EGFLAM: variants seen among roughly 807,000 people sequenced by gnomAD.
EGFLAM encodes the protein EGF like, fibronectin type III and laminin G domains, also known as pikachurin.
A neutral mutation model predicts 113.1 loss-of-function variants in EGFLAM; 79 were observed. The ratio of observed to expected loss-of-function variants is 0.70; its 90% CI spans 0.58 to 0.84. EGFLAM has a LOEUF of 0.84. Ranked by LOEUF, EGFLAM falls within the 40% of genes least tolerant of loss-of-function variation. The pLI is 0.00. For missense variants in EGFLAM, 1,265 were observed against 1,291.6 expected (o/e 0.98, Z 0.32); for synonymous variants, 504 against 487.6 (o/e 1.03, Z -0.44).
At chr5:38,447,706 A>AGATCGCGCCAT (rs1285800669) in intron 17 of EGFLAM, among the ~76,000 whole-genome samples, 2 of 151,590 alleles carry the variant, frequency 1.3e-5, no homozygotes, top group Non-Finnish European at 2.9e-5. Flanking sequence ...CAGTGAGCCA[A>AGATCGCGCCAT]GATCGCGCCA....
chr5:38,320,495 T>C (rs573932439), intron 1 of EGFLAM, among the ~76,000 whole-genome samples: 11 of 152,344 alleles, frequency 7.2e-5, no homozygotes, highest in Admixed American at 7.2e-4. Flanking sequence ...TCAGGTTTCA[T>C]AGTCTGTGCT....
intron 6 of EGFLAM, chr5:38,403,676 A>C (rs577424587): frequency 2.5e-6 from 3 of 1,209,224 alleles, no homozygotes; most frequent in Non-Finnish European, 3.4e-6. Flanking sequence ...AGAACTTATG[A>C]ATTGTTTATT....
chr5:38,408,858 T>G, intron 9 of EGFLAM, 146 bp from the exon 10 acceptor site: 1 of 698,492 alleles, frequency 1.4e-6, no homozygotes, highest in Non-Finnish European at 2.5e-6. Flanking sequence ...TATCTGGGAG[T>G]GAATTGGAGC....
chr5:38,294,982 G>T (rs1389678951), intron 1 of EGFLAM, among the ~76,000 whole-genome samples: 1 of 152,010 alleles, frequency 6.6e-6, no homozygotes, highest in Non-Finnish European at 1.5e-5. Context: ...TACATGCCAC[G>T]AGTCCTAGCT....
intron 8 of EGFLAM, among the ~76,000 whole-genome samples, chr5:38,407,587 G>A (rs1741331538): frequency 1.3e-5 from 2 of 152,162 alleles, no homozygotes; most frequent in Admixed American, 6.5e-5. Flanking sequence ...GCCAGTGCCG[G>A]TCTCCAAAAA....
chr5:38,379,036 C>T (rs1301041587), intron 6 of EGFLAM, among the ~76,000 whole-genome samples: 1 of 152,156 alleles, frequency 6.6e-6, no homozygotes, highest in Admixed American at 6.5e-5. Flanking sequence ...AGGCTCTGAG[C>T]TCTGTTCTGG....
intron 20 of EGFLAM, among the ~76,000 whole-genome samples, chr5:38,459,598 G>T (rs1340694345): frequency 6.6e-6 from 1 of 152,178 alleles, no homozygotes; most frequent in Non-Finnish European, 1.5e-5. Flanking sequence ...GGTCTGGTTG[G>T]GGTTCCCTGA....
intron 17 of EGFLAM, among the ~76,000 whole-genome samples, chr5:38,438,874 A>G (rs1742443969): frequency 6.6e-6 from 1 of 152,210 alleles, no homozygotes; most frequent in Non-Finnish European, 1.5e-5. Flanking sequence ...ATGCTGTATA[A>G]GAGAAACCTT....
intron 13 of EGFLAM, 64 bp downstream of exon 13, chr5:38,425,156 T>G: frequency 6.4e-7 from 1 of 1,569,636 alleles, no homozygotes; most frequent in Non-Finnish European, 8.6e-7. Context: ...ATGTACTTTA[T>G]CATCAATATA....
chr5:38,384,198 C>T (rs1046417515), intron 6 of EGFLAM, among the ~76,000 whole-genome samples: 8 of 151,948 alleles, frequency 5.3e-5, no homozygotes, highest in Admixed American at 5.2e-4. Context: ...AGGTAGAGTG[C>T]CAAATGGAAA....
At chr5:38,432,952 G>A (rs1271619687) in intron 15 of EGFLAM, among the ~76,000 whole-genome samples, 1 of 152,196 alleles carries the variant, frequency 6.6e-6, no homozygotes, top group Non-Finnish European at 1.5e-5. Context: ...GGTGAATGGA[G>A]CTGACTGGAG....
intron 3 of EGFLAM, among the ~76,000 whole-genome samples, chr5:38,341,445 T>G (rs1399087626): frequency 6.6e-6 from 1 of 152,168 alleles, no homozygotes; most frequent in Admixed American, 6.6e-5. Flanking sequence ...GATAAACCAC[T>G]TCCATGATTC....
intron 1 of EGFLAM, among the ~76,000 whole-genome samples, chr5:38,294,000 C>T (rs992243005): frequency 1.3e-5 from 2 of 152,160 alleles, no homozygotes; most frequent in South Asian, 2.1e-4. Flanking sequence ...TACTAACCAG[C>T]TATTGCTTTA....
intron 1 of EGFLAM, among the ~76,000 whole-genome samples, chr5:38,328,555 C>T (rs538447215): frequency 6.6e-6 from 1 of 152,284 alleles, no homozygotes; most frequent in East Asian, 1.9e-4. Flanking sequence ...TATACTGTCA[C>T]AAGCAATTTT....
At chr5:38,446,709 T>C (rs1316682730) in intron 17 of EGFLAM, among the ~76,000 whole-genome samples, 1 of 152,188 alleles carries the variant, frequency 6.6e-6, no homozygotes, top group Non-Finnish European at 1.5e-5. Context: ...GTCTTTTAAA[T>C]TTTCTGTTTC....
At chr5:38,403,919 T>A (rs747042906) in intron 6 of EGFLAM, 13 of 1,613,504 alleles carry the variant, frequency 8.1e-6, no homozygotes, top group East Asian at 2.2e-5. Context: ...ACAGGTTGAA[T>A]TTTCAGTTGA....
chr5:38,331,005 G>T (rs1028369130), intron 1 of EGFLAM, among the ~76,000 whole-genome samples: 1 of 152,110 alleles, frequency 6.6e-6, no homozygotes, highest in African/African-American at 2.4e-5. Flanking sequence ...GATTAAATAT[G>T]TGCAAAATAC....
At chr5:38,262,555 A>C (rs1011728855) in intron 1 of EGFLAM, among the ~76,000 whole-genome samples, 3 of 152,096 alleles carry the variant, frequency 2.0e-5, no homozygotes, top group Non-Finnish European at 2.9e-5. Context: ...TCTAACTTCT[A>C]TCCCTGTAGT....
intron 18 of EGFLAM, among the ~76,000 whole-genome samples, 197 bp from the exon 19 acceptor site, chr5:38,451,118 T>C (rs1044934730): frequency 1.3e-5 from 2 of 152,348 alleles, no homozygotes; most frequent in East Asian, 1.9e-4. Context: ...TTCACAGTGC[T>C]TGGGGAGAGA....
Sources: gnomAD v4.1 joint callset for allele counts (sites outside exome capture counted in the v4.1 genomes callset) on GRCh38, gnomAD v4.1.1 for gene constraint, MANE v1.5 for transcripts, NCBI Gene and HGNC (gene_info 2026-07-23, HGNC 2026-07-21) for gene names.